Variants in LRRIQ1 observed in about 807,000 individuals in gnomAD.
LRRIQ1 encodes leucine rich repeats and IQ motif containing 1.
In LRRIQ1, 210 loss-of-function variants were observed where a neutral mutation model predicts 211.9. The observed-to-expected ratio is 0.99, with a 90% CI of 0.89 to 1.11. The LOEUF (loss-of-function observed/expected upper bound fraction) is 1.11, where lower values mean the gene tolerates loss of function less well. Among genes scored for constraint, LRRIQ1 ranks in the 50% most tolerant of loss-of-function variants. The pLI, the probability that LRRIQ1 is intolerant of heterozygous loss-of-function variation, is 0.00. For synonymous variants in LRRIQ1, 699 were observed against 650.1 expected (o/e 1.08, Z -1.14); for missense variants, 2,136 against 1,939.5 (o/e 1.10, Z -1.90).
intron 24 of LRRIQ1, among the ~76,000 whole-genome samples, chr12:85,192,611 ATATACTATAATTATAAATAAAT>A (rs1490564978): frequency 0.012 from 1,324 of 111,032 alleles, 228 homozygotes; most frequent in African/African-American, 0.017. Flanking sequence ...ATATATAGTT[ATATACTATAATTATAAATAAAT>A]ATATATAGTT....
rs542583776 is a variant in LRRIQ1 at position 85,237,918 on chromosome 12, G to A, written c.5016+5162G>A. On this transcript the variant is annotated intron_variant, in intron 26 of 26. Coordinates refer to ENST00000393217, the MANE Select transcript of LRRIQ1 (RefSeq NM_001079910.2). ...AAATTGCTAATCCTTCAAAGCAGCA[G>A]GAAAATGAGCCTTGTAAGAAAAAAA... is the stretch of plus-strand genomic sequence containing the variant. Among the ~76,000 whole-genome samples, 7 of 152,090 alleles carry A rather than the reference G, an allele frequency of 4.6e-5. No individual in the cohort carries two copies. The East Asian group carries it at 1.4e-3, about 29-fold the overall frequency.
intron 6 of LRRIQ1, 166 bp downstream of exon 6, chr12:85,047,636 T>C (rs1478494846): frequency 8.8e-6 from 5 of 567,110 alleles, no homozygotes; most frequent in Non-Finnish European, 1.5e-5. Context: ...ATGAGGTCCT[T>C]GATTAGTTTT....
At chr12:85,217,009 G>T (rs1178410553) in intron 24 of LRRIQ1, among the ~76,000 whole-genome samples, 1 of 151,922 alleles carries the variant, frequency 6.6e-6, no homozygotes, top group Non-Finnish European at 1.5e-5. Context: ...TAATATGTTG[G>T]CATGCAAATT....
At position 85,143,220 on chromosome 12, in the gene LRRIQ1, A is replaced by AT. The variant is rs1419410460; in HGVS notation, c.4329+5257dup. On this transcript the variant is annotated intron_variant, in intron 19 of 26. Coordinates refer to ENST00000393217, the MANE Select transcript of LRRIQ1 (RefSeq NM_001079910.2). ...TCCCTGATGGCTAAAGCTGTTAAGC[A>AT]TTTTTTCATATACCTATTAGCCACT... Among the ~76,000 whole-genome samples, 5 of 151,662 alleles carry AT rather than the reference A, an allele frequency of 3.3e-5. No homozygotes were observed. In the East Asian group the frequency reaches 9.7e-4, roughly 29 times the overall value.
chr12:85,079,200 A>T (rs1290229488), intron 11 of LRRIQ1, among the ~76,000 whole-genome samples: 1 of 150,882 alleles, frequency 6.6e-6, no homozygotes, highest in Non-Finnish European at 1.5e-5. Context: ...TCTGGACCAC[A>T]CTTTGAGAAC....
chr12:85,137,699 G>GT (rs1439008267), intron 18 of LRRIQ1, 151 bp from the exon 19 acceptor site: 1 of 571,700 alleles, frequency 1.7e-6, no homozygotes, highest in Non-Finnish European at 2.8e-6. Context: ...TTATCTTTCA[G>GT]TTTTAAGTGT....
At chr12:85,239,356 T>TACACACACACACACACACAC (rs55912271) in intron 26 of LRRIQ1, among the ~76,000 whole-genome samples, 41 of 145,146 alleles carry the variant, frequency 2.8e-4, no homozygotes, top group African/African-American at 8.9e-4. Flanking sequence ...AACTGTTTTA[T>TACACACACACACACACACAC]ACACACACAC....
At chr12:85,089,170 A>G (rs1565822339) in intron 11 of LRRIQ1, among the ~76,000 whole-genome samples, 1 of 152,166 alleles carries the variant, frequency 6.6e-6, no homozygotes, top group Non-Finnish European at 1.5e-5. Context: ...AATTTTGTCA[A>G]AGGCCTTTTC....
intron 25 of LRRIQ1, among the ~76,000 whole-genome samples, chr12:85,230,574 A>G (rs1323942124): frequency 2.0e-5 from 3 of 152,276 alleles, no homozygotes; most frequent in South Asian, 4.1e-4. Context: ...ACTTCAATAT[A>G]TGAATTTTAG....
chr12:85,160,716 T>C lies in LRRIQ1; in HGVS notation c.4822+2T>C, dbSNP rs1402655282. On this transcript the variant is annotated splice_donor_variant, in intron 24 of 26. Coordinates refer to ENST00000393217, the MANE Select transcript of LRRIQ1 (RefSeq NM_001079910.2). LOFTEE classifies it high-confidence loss of function. ...CCAGAAGAGATGGTTACTTTGAAGG[T>C]ATGGCTTAATAACAGATACATAGAG... The C allele has an allele frequency of 2.0e-6, 3 of 1,533,896 alleles. No homozygotes were observed. The highest frequency in any genetic ancestry group is 2.7e-6 in the Non-Finnish European group (3 of 1,114,094).
intron 1 of LRRIQ1, among the ~76,000 whole-genome samples, chr12:85,036,877 G>T (rs1208846064): frequency 6.6e-6 from 1 of 151,922 alleles, no homozygotes; most frequent in Non-Finnish European, 1.5e-5. Context: ...AACTCCAAGT[G>T]ATTCGTTATC....
intron 24 of LRRIQ1, among the ~76,000 whole-genome samples, chr12:85,206,760 A>G (rs1264747486): frequency 6.6e-6 from 1 of 151,934 alleles, no homozygotes; most frequent in Non-Finnish European, 1.5e-5. Context: ...ATCCTGTTAG[A>G]TATCCAAAGC....
At chr12:85,160,257 A>G (rs1405640153) in intron 23 of LRRIQ1, among the ~76,000 whole-genome samples, 2 of 152,042 alleles carry the variant, frequency 1.3e-5, no homozygotes, top group African/African-American at 4.8e-5. Context: ...ATTAGGGCAA[A>G]GAAAAACCAC....
At chr12:85,097,331 A>T (rs140027794) in intron 11 of LRRIQ1, among the ~76,000 whole-genome samples, 2,792 of 152,168 alleles carry the variant, frequency 0.018, 37 homozygotes, top group Non-Finnish European at 0.03. Context: ...GGCAGGAGAG[A>T]GAGAAATAGC....
intron 11 of LRRIQ1, among the ~76,000 whole-genome samples, chr12:85,092,348 T>A (rs558798063): frequency 2.6e-5 from 4 of 152,178 alleles, no homozygotes; most frequent in African/African-American, 9.7e-5. Flanking sequence ...GCCCACTCAT[T>A]ATTTTATTTA....
chr12:85,174,723 A>AAAAAAAAAAAAAC (rs1891602304), intron 24 of LRRIQ1, among the ~76,000 whole-genome samples: 4 of 148,372 alleles, frequency 2.7e-5, no homozygotes, highest in Non-Finnish European at 6.0e-5. Flanking sequence ...AAAAAAAAAA[A>AAAAAAAAAAAAAC]TCTGAGATCC....
chr12:85,138,890 C>G (rs191508012), intron 19 of LRRIQ1, among the ~76,000 whole-genome samples: 1 of 151,572 alleles, frequency 6.6e-6, no homozygotes, highest in East Asian at 2.0e-4. Flanking sequence ...AGTTTATACT[C>G]TGATCATTGT....
chr12:85,040,447 T>C, intron 2 of LRRIQ1, 43 bp from the exon 3 acceptor site: 1 of 1,219,562 alleles, frequency 8.2e-7, no homozygotes, highest in Non-Finnish European at 1.1e-6. Context: ...ATAATTTTGA[T>C]AATAAACACT....
Position 85,137,924 on chromosome 12 carries a change from T to C in LRRIQ1, c.4284T>C (p.Asp1428=), listed in dbSNP as rs750943224. ...ALEAIKNEES[D]EEYREIDLED... ...AGGCTATTAAGAATGAAGAATCCGA[T>C]GAAGAATACAGAGAAATAGATTTAG... is the stretch of plus-strand genomic sequence containing the variant. The change falls in exon 19 of 27, where the codon GAT becomes GAC. Residue 1428 remains aspartate (D), a synonymous_variant. Coordinates refer to ENST00000393217, the MANE Select transcript of LRRIQ1 (RefSeq NM_001079910.2). The C allele has an allele frequency of 5.9e-5, 91 of 1,529,648 alleles. No homozygotes were observed. Among genetic ancestry groups the C allele is most frequent in the East Asian group, 1.4e-4 (6 of 44,244 alleles). 94.8% of individuals were successfully genotyped at this position (1,529,648 alleles called of 1,614,324 possible).
Sources: allele counts gnomAD v4.1 joint callset (sites outside exome capture counted in the v4.1 genomes callset), GRCh38; gene constraint gnomAD v4.1.1; transcripts MANE v1.5; gene names NCBI Gene and HGNC (gene_info 2026-07-23, HGNC 2026-07-21).